Variants in SLC25A21 observed in about 807,000 individuals in gnomAD.
SLC25A21 encodes solute carrier family 25 member 21, also known as mitochondrial 2-oxodicarboxylate carrier.
SLC25A21 carries 47 observed loss-of-function variants against 43.8 expected under a neutral mutation model. The observed-to-expected ratio is 1.07, with a 90% CI of 0.85 to 1.37. The LOEUF (loss-of-function observed/expected upper bound fraction) is 1.37. Among genes scored for constraint, SLC25A21 ranks in the 40% most tolerant of loss-of-function variants. The pLI is 0.00. For missense variants in SLC25A21, 352 were observed against 350.2 expected (o/e 1.00, Z -0.04); for synonymous variants, 131 against 121.3 (o/e 1.08, Z -0.52).
chr14:37,002,627 G>A (rs187821107), intron 1 of SLC25A21, among the ~76,000 whole-genome samples: 183 of 152,228 alleles, frequency 1.2e-3, no homozygotes, highest in African/African-American at 4.1e-3. Flanking sequence ...AGGTGCTGAG[G>A]ATAAAAAGAT....
chr14:37,089,396 C>T (rs1275648176), intron 1 of SLC25A21, among the ~76,000 whole-genome samples: 1 of 152,196 alleles, frequency 6.6e-6, no homozygotes, highest in Non-Finnish European at 1.5e-5. Context: ...AAGACCATGT[C>T]ACCGTGTAAC....
At chr14:36,979,928 C>A (rs1022781794) in intron 1 of SLC25A21, among the ~76,000 whole-genome samples, 3 of 152,034 alleles carry the variant, frequency 2.0e-5, no homozygotes, top group Non-Finnish European at 4.4e-5. Context: ...ATTTTTTAAG[C>A]CACTGCCCAT....
chr14:36,941,649 T>C (rs1379584570), intron 1 of SLC25A21, among the ~76,000 whole-genome samples: 1 of 151,810 alleles, frequency 6.6e-6, no homozygotes. Flanking sequence ...TAAAATTAAA[T>C]ATAATTATAC....
intron 1 of SLC25A21, among the ~76,000 whole-genome samples, chr14:36,912,353 A>T (rs1044532041): frequency 6.6e-6 from 1 of 152,216 alleles, no homozygotes; most frequent in Non-Finnish European, 1.5e-5. Context: ...GTCATGCGGC[A>T]GAGCAGGTAA....
At chr14:36,931,001 G>A (rs1892271387) in intron 1 of SLC25A21, among the ~76,000 whole-genome samples, 1 of 152,006 alleles carries the variant, frequency 6.6e-6, no homozygotes, top group Non-Finnish European at 1.5e-5. Flanking sequence ...CCTCTTCTGA[G>A]ATGCTTCCCT....
chr14:36,700,324 C>A (rs1883223845), intron 7 of SLC25A21, among the ~76,000 whole-genome samples: 1 of 152,190 alleles, frequency 6.6e-6, no homozygotes, highest in Admixed American at 6.5e-5. Context: ...GTTCATGTCA[C>A]AGGAATGCTT....
At chr14:36,917,725 T>G (rs370448211) in intron 1 of SLC25A21, among the ~76,000 whole-genome samples, 134 of 152,012 alleles carry the variant, frequency 8.8e-4, no homozygotes, top group Non-Finnish European at 1.7e-3. Flanking sequence ...CAAACATTAA[T>G]AAAATATTAT....
intron 1 of SLC25A21, among the ~76,000 whole-genome samples, chr14:37,003,864 G>A (rs1270018324): frequency 2.6e-5 from 4 of 152,140 alleles, no homozygotes; most frequent in African/African-American, 7.2e-5. Context: ...GTACACTGAA[G>A]ATAGGTACTT....
At chr14:36,916,382 T>C (rs1048921098) in intron 1 of SLC25A21, among the ~76,000 whole-genome samples, 1 of 152,178 alleles carries the variant, frequency 6.6e-6, no homozygotes, top group Non-Finnish European at 1.5e-5. Context: ...AATAAATATA[T>C]TCTATTCCTC....
chr14:36,831,633 C>T (rs1264001060), intron 2 of SLC25A21, among the ~76,000 whole-genome samples: 1 of 152,222 alleles, frequency 6.6e-6, no homozygotes, highest in Middle Eastern at 3.4e-3. Flanking sequence ...ACTGTACAGT[C>T]CCACGTTACT....
chr14:36,882,701 T>G (rs1209911983), intron 1 of SLC25A21, among the ~76,000 whole-genome samples: 2 of 151,990 alleles, frequency 1.3e-5, no homozygotes, highest in Non-Finnish European at 2.9e-5. Flanking sequence ...ATTCACCAAT[T>G]TACATTTCCA....
In SLC25A21 at chr14:36,768,421, A is replaced by C. The variant is rs371172045; in HGVS notation, c.204-33848T>G. 2.0e-5 allele frequency among the ~76,000 whole-genome samples: 3 copies of C among 152,202 alleles called. No homozygotes were observed. In the East Asian group the frequency reaches 5.8e-4, roughly 29 times the overall value. On this transcript the variant is annotated intron_variant, in intron 3 of 9. Transcript: ENST00000331299. ...GATTACCAATTTTTTTAATTATTAA[A>C]ATTTTTATTAAAATGATTTCAATGA...
At chr14:36,976,580 C>T (rs907932713) in intron 1 of SLC25A21, among the ~76,000 whole-genome samples, 11 of 152,052 alleles carry the variant, frequency 7.2e-5, no homozygotes, top group African/African-American at 1.2e-4. Context: ...GCCTGTGCAA[C>T]GTGAGGTCAG....
intron 1 of SLC25A21, chr14:37,097,057 T>A (rs543705155): frequency 3.3e-5 from 5 of 150,940 alleles, no homozygotes; most frequent in Non-Finnish European, 7.4e-5. Flanking sequence ...TTTTTGTTTG[T>A]TTTTGGTTCT....
At chr14:36,930,740 C>T (rs1402852288) in intron 1 of SLC25A21, among the ~76,000 whole-genome samples, 2 of 152,080 alleles carry the variant, frequency 1.3e-5, no homozygotes, top group Non-Finnish European at 1.5e-5. Flanking sequence ...CAATGAAGTT[C>T]AAATTCCTTG....
intron 3 of SLC25A21, among the ~76,000 whole-genome samples, chr14:36,781,000 T>A (rs1887037128): frequency 6.6e-6 from 1 of 152,172 alleles, no homozygotes; most frequent in African/African-American, 2.4e-5. Context: ...TGTATTTAGA[T>A]GCTCTACTGT....
chr14:37,161,657 T>C (rs1294707564), intron 1 of SLC25A21, among the ~76,000 whole-genome samples: 1 of 151,932 alleles, frequency 6.6e-6, no homozygotes, highest in Non-Finnish European at 1.5e-5. Context: ...GACACAAAGA[T>C]AGTGACAGAT....
chr14:37,120,196 T>G (rs1963181766), intron 1 of SLC25A21, among the ~76,000 whole-genome samples: 1 of 152,180 alleles, frequency 6.6e-6, no homozygotes, highest in African/African-American at 2.4e-5. Context: ...TTTCCCTTCC[T>G]TTAAAAACTG....
intron 1 of SLC25A21, among the ~76,000 whole-genome samples, chr14:36,955,330 G>C (rs1959306545): frequency 6.6e-6 from 1 of 152,178 alleles, no homozygotes; most frequent in Non-Finnish European, 1.5e-5. Flanking sequence ...GTACTTGGAA[G>C]ATTTTCCCAA....
Sources: allele counts gnomAD v4.1 joint callset (sites outside exome capture counted in the v4.1 genomes callset), GRCh38; gene constraint gnomAD v4.1.1; transcripts MANE v1.5; gene names NCBI Gene and HGNC (gene_info 2026-07-23, HGNC 2026-07-21).